BLTP2: variants seen among roughly 807,000 people sequenced by gnomAD.
The protein encoded by BLTP2 is bridge-like lipid transfer protein family member 2.
At chr17:28,621,214 A>G in the BLTP2 span, 1 of 1,590,160 alleles carries the variant, frequency 6.3e-7, no homozygotes, top group Non-Finnish European at 8.6e-7. Context: ...CATTCTCAAT[A>G]AAGATAATGT....
chr17:28,619,458 A>G, the BLTP2 span, among the ~76,000 whole-genome samples: 1 of 151,682 alleles, frequency 6.6e-6, no homozygotes, highest in East Asian at 1.9e-4. Context: ...TAGTGAGACC[A>G]CTTTGTCTCT....
chr17:28,633,301 T>C, the BLTP2 span: 16 of 1,613,706 alleles, frequency 9.9e-6, no homozygotes, highest in African/African-American at 8.0e-5. Flanking sequence ...TGTTCTCACG[T>C]TGATATCCAA....
At chr17:28,629,026 A>G in the BLTP2 span, among the ~76,000 whole-genome samples, 1 of 151,870 alleles carries the variant, frequency 6.6e-6, no homozygotes, top group East Asian at 1.9e-4. Context: ...TATTACATTC[A>G]AACTATACCT....
At chr17:28,632,950 T>C in the BLTP2 span, 402 of 1,530,878 alleles carry the variant, frequency 2.6e-4, 1 homozygote, top group African/African-American at 5.1e-3. Flanking sequence ...ACTTCCACTG[T>C]GCCGAGTCAG....
At chr17:28,622,382 T>G in the BLTP2 span, among the ~76,000 whole-genome samples, 9 of 152,204 alleles carry the variant, frequency 5.9e-5, no homozygotes, top group Admixed American at 6.5e-5. Flanking sequence ...TTGCCTGGAT[T>G]AAGCCCTAAG....
the BLTP2 span, chr17:28,615,162 G>A: frequency 1.9e-6 from 3 of 1,614,110 alleles, no homozygotes. Context: ...TCCTGCTGTT[G>A]CATGTTCAGG....
chr17:28,626,559 C>T, the BLTP2 span, among the ~76,000 whole-genome samples: 4 of 152,122 alleles, frequency 2.6e-5, no homozygotes, highest in South Asian at 8.3e-4. Flanking sequence ...TAATTTTCAG[C>T]CCCCCACCCA....
chr17:28,632,059 G>A, the BLTP2 span: 1 of 1,612,284 alleles, frequency 6.2e-7, no homozygotes, highest in African/African-American at 1.3e-5. Context: ...CTGCAGCTGG[G>A]GAAAGAGGGC....
chr17:28,645,069 C>G, the BLTP2 span: 55 of 1,585,202 alleles, frequency 3.5e-5, no homozygotes, highest in Non-Finnish European at 1.0e-5. Flanking sequence ...AGGTCCGGGT[C>G]CGGCCCGGCT....
chr17:28,641,291 A>G, the BLTP2 span, among the ~76,000 whole-genome samples: 1 of 152,230 alleles, frequency 6.6e-6, no homozygotes, highest in Non-Finnish European at 1.5e-5. Context: ...AAAAATCCAC[A>G]TAAGTGGATC....
chr17:28,616,641 T>C, the BLTP2 span: 7 of 1,614,118 alleles, frequency 4.3e-6, no homozygotes, highest in East Asian at 2.2e-5. The surrounding 1 kb of genome is among the most constrained non-coding windows in gnomAD (Gnocchi z 4.8). Flanking sequence ...TTTGGACTTA[T>C]CCTCTTCATC....
At chr17:28,630,364 C>T in the BLTP2 span, among the ~76,000 whole-genome samples, 1 of 151,752 alleles carries the variant, frequency 6.6e-6, no homozygotes, top group Non-Finnish European at 1.5e-5. Context: ...CCTCATGTTG[C>T]CCAGACTGGT....
At chr17:28,631,574 C>T in the BLTP2 span, 1 of 1,614,156 alleles carries the variant, frequency 6.2e-7, no homozygotes, top group Non-Finnish European at 8.5e-7. Flanking sequence ...CAGTGATCAG[C>T]ATTCTCTTCA....
At chr17:28,615,130 G>A in the BLTP2 span, 25 of 1,613,988 alleles carry the variant, frequency 1.5e-5, no homozygotes, top group Non-Finnish European at 1.9e-5. Flanking sequence ...AACCAATGAG[G>A]AGCCGGGCTT....
chr17:28,620,099 TGG>T, the BLTP2 span: 1 of 1,250,338 alleles, frequency 8.0e-7, no homozygotes, highest in Non-Finnish European at 1.1e-6. Context: ...GAGAAAGAAA[TGG>T]GGGGGGTCTC....
chr17:28,639,795 TC>T, the BLTP2 span: 1 of 1,470,630 alleles, frequency 6.8e-7, no homozygotes, highest in Non-Finnish European at 9.5e-7. Context: ...CTCCTTCCAC[TC>T]CCCAGTTACA....
chr17:28,635,531 G>A, the BLTP2 span: 3 of 1,614,142 alleles, frequency 1.9e-6, no homozygotes, highest in Non-Finnish European at 2.5e-6. Context: ...CGGCACTGTA[G>A]AGTGGCCAGG....
the BLTP2 span, chr17:28,615,629 C>T: frequency 6.2e-7 from 1 of 1,601,460 alleles, no homozygotes; most frequent in Non-Finnish European, 8.5e-7. Flanking sequence ...CTGCCAGCCC[C>T]ATTAGCCAAA....
the BLTP2 span, chr17:28,621,498 C>T: frequency 6.2e-7 from 1 of 1,611,858 alleles, no homozygotes; most frequent in Non-Finnish European, 8.5e-7. Context: ...ATATTCTTCA[C>T]CTGAAGAAAG....
Sources: allele counts gnomAD v4.1 joint callset (sites outside exome capture counted in the v4.1 genomes callset), GRCh38; gene constraint gnomAD v4.1.1; non-coding constraint Gnocchi (gnomAD v3.1); transcripts MANE v1.5; gene names NCBI Gene and HGNC (gene_info 2026-07-23, HGNC 2026-07-21).